The following FMN1 variants were observed in gnomAD, a reference collection of about 807,000 sequenced individuals.
FMN1 encodes formin-1.
A neutral mutation model predicts 132.4 loss-of-function variants in FMN1; 110 were observed. The observed-to-expected ratio is 0.83, with a 90% CI of 0.71 to 0.97. The LOEUF is 0.97. Ranked by LOEUF, FMN1 falls within the 50% of genes least tolerant of loss-of-function variation. The probability of loss-of-function intolerance (pLI) is 0.00; values close to 1 mark genes in which losing one functional copy is unlikely to be tolerated. For missense variants in FMN1, 1,792 were observed against 1,705.3 expected (o/e 1.05, Z -0.90); for synonymous variants, 722 against 651.7 (o/e 1.11, Z -1.64).
At chr15:32,822,869 A>T (rs2058255567) in intron 17 of FMN1, among the ~76,000 whole-genome samples, 1 of 152,176 alleles carries the variant, frequency 6.6e-6, no homozygotes, top group Admixed American at 6.5e-5. Context: ...GCCTACAAGC[A>T]TGTTTTTTCA....
chr15:32,934,187 A>G (rs2061198045), intron 9 of FMN1, among the ~76,000 whole-genome samples: 1 of 152,140 alleles, frequency 6.6e-6, no homozygotes, highest in South Asian at 2.1e-4. Context: ...TATAGGTATA[A>G]TAATCTATTT....
At chr15:32,934,613 T>C (rs1370280798) in intron 9 of FMN1, among the ~76,000 whole-genome samples, 1 of 150,616 alleles carries the variant, frequency 6.6e-6, no homozygotes, top group Non-Finnish European at 1.5e-5. Flanking sequence ...TTTTTTTTTT[T>C]TTTGGGTGGG....
intron 17 of FMN1, among the ~76,000 whole-genome samples, chr15:32,817,746 C>T (rs373168154): frequency 2.0e-4 from 31 of 152,300 alleles, no homozygotes; most frequent in African/African-American, 7.2e-4. Context: ...CACACTGCTT[C>T]TAAGTCAAGG....
chr15:32,844,346 T>TG (rs2058812059), intron 17 of FMN1, among the ~76,000 whole-genome samples: 1 of 152,304 alleles, frequency 6.6e-6, no homozygotes, highest in Non-Finnish European at 1.5e-5. Flanking sequence ...GTAATATTGT[T>TG]GATTTTGGTA....
At chr15:33,100,795 C>T (rs969996896) in intron 4 of FMN1, among the ~76,000 whole-genome samples, 4 of 152,002 alleles carry the variant, frequency 2.6e-5, no homozygotes, top group African/African-American at 9.7e-5. Context: ...TACAAGGTAT[C>T]CACCAAAATA....
intron 6 of FMN1, among the ~76,000 whole-genome samples, chr15:33,019,351 G>A (rs1184352920): frequency 6.6e-6 from 1 of 152,188 alleles, no homozygotes; most frequent in Non-Finnish European, 1.5e-5. Flanking sequence ...GCCAATTGGT[G>A]CATTCACAAT....
At position 33,042,407 on chromosome 15, in the gene FMN1, G is replaced by C. The variant is rs147353106; in HGVS notation, c.2161+22550C>G. On this transcript the variant is annotated intron_variant, in intron 6 of 20. Transcript: ENST00000616417. ...AAATGACCTTAAAGCTCATATACAA[G>C]AGTGTAAGTGCCTAAGCATCCAAAC... is the stretch of plus-strand genomic sequence containing the variant. Among the ~76,000 whole-genome samples, 772 of 152,204 alleles carry C rather than the reference G, an allele frequency of 5.1e-3. 2 individuals are homozygous for C. The highest frequency in any genetic ancestry group is 0.017 in the Middle Eastern group (5 of 294).
chr15:33,152,142 C>T (rs1185909192), intron 4 of FMN1, among the ~76,000 whole-genome samples: 2 of 152,198 alleles, frequency 1.3e-5, no homozygotes, highest in African/African-American at 4.8e-5. Context: ...AAAAAGAACA[C>T]ATAACCTGCA....
chr15:33,037,820 T>G (rs2036256209), intron 6 of FMN1, among the ~76,000 whole-genome samples: 1 of 152,212 alleles, frequency 6.6e-6, no homozygotes, highest in African/African-American at 2.4e-5. Flanking sequence ...TTACTAAGAT[T>G]TTTCTGAAAA....
rs570443681 is a variant in FMN1 at position 32,909,016 on chromosome 15, C to T, written c.3289-438G>A. Among the ~76,000 whole-genome samples, 7 of 152,304 alleles carry T rather than the reference C, an allele frequency of 4.6e-5. No individual in the cohort carries two copies. The South Asian group carries it at 6.2e-4, about 14-fold the overall frequency. ...CAGCTCTTTCATTTCTAGTCAACAA[C>T]GTCCCTTTTTCCAAATTTCGTAAGC... On this transcript the variant is annotated intron_variant, in intron 11 of 20. Coordinates refer to ENST00000616417, the MANE Select transcript of FMN1 (RefSeq NM_001277313.2).
At chr15:33,024,325 C>A (rs1263146282) in intron 6 of FMN1, among the ~76,000 whole-genome samples, 1 of 143,894 alleles carries the variant, frequency 6.9e-6, no homozygotes, top group Non-Finnish European at 1.5e-5. Flanking sequence ...CGGCTCACTG[C>A]AAGCTCCGCC....
At chr15:32,938,141 A>T (rs2140425272) in intron 9 of FMN1, among the ~76,000 whole-genome samples, 1 of 152,190 alleles carries the variant, frequency 6.6e-6, no homozygotes, top group African/African-American at 2.4e-5. Context: ...GTAGAAACAC[A>T]TTACTGACAA....
At chr15:33,151,076 A>G in intron 4 of FMN1, 1 of 1,318,264 alleles carries the variant, frequency 7.6e-7, no homozygotes, top group Admixed American at 3.0e-5. Flanking sequence ...AAGAGGACTC[A>G]CAGCGACAGG....
At chr15:33,013,298 G>T (rs1478151373) in intron 6 of FMN1, among the ~76,000 whole-genome samples, 1 of 152,212 alleles carries the variant, frequency 6.6e-6, no homozygotes, top group Non-Finnish European at 1.5e-5. Flanking sequence ...TCTGTGGAAA[G>T]TATAAAGCAT....
chr15:32,781,178 T>C (rs866168632), intron 19 of FMN1, among the ~76,000 whole-genome samples: 1 of 152,320 alleles, frequency 6.6e-6, no homozygotes, highest in South Asian at 2.1e-4. Flanking sequence ...TAAAATTTCT[T>C]CAAAAAATCT....
intron 4 of FMN1, among the ~76,000 whole-genome samples, chr15:33,118,090 T>C (rs1269415697): frequency 6.6e-6 from 1 of 152,170 alleles, no homozygotes; most frequent in Non-Finnish European, 1.5e-5. Flanking sequence ...TCACATGAAT[T>C]CTGAGAAAAT....
intron 17 of FMN1, among the ~76,000 whole-genome samples, chr15:32,833,041 C>T (rs2058539582): frequency 6.6e-6 from 1 of 152,130 alleles, no homozygotes; most frequent in South Asian, 2.1e-4. Context: ...TTTACAACTC[C>T]TCCTTTCTCC....
chr15:33,091,278 C>T (rs530167332), intron 4 of FMN1, among the ~76,000 whole-genome samples: 3 of 152,286 alleles, frequency 2.0e-5, no homozygotes, highest in African/African-American at 7.2e-5. Flanking sequence ...TTGAAACACA[C>T]ATGCATGCAT....
chr15:32,990,776 G>A (rs1392653584), intron 7 of FMN1, among the ~76,000 whole-genome samples: 4 of 152,294 alleles, frequency 2.6e-5, no homozygotes, highest in African/African-American at 9.6e-5. Context: ...CGTGGTGGAA[G>A]GGGAAGCAAA....
Sources: gnomAD v4.1 joint callset for allele counts (sites outside exome capture counted in the v4.1 genomes callset) on GRCh38, gnomAD v4.1.1 for gene constraint, MANE v1.5 for transcripts, NCBI Gene and HGNC (gene_info 2026-07-23, HGNC 2026-07-21) for gene names.